The following LPAR1 variants were observed in gnomAD, a reference collection of about 807,000 sequenced individuals.
The protein encoded by LPAR1 is LPA receptor 1.
A neutral mutation model predicts 23.8 loss-of-function variants in LPAR1; 5 were observed. That is an observed-to-expected ratio of 0.21 (90% CI 0.11 to 0.44). LPAR1 has a LOEUF of 0.44. LPAR1 is among the 20% of genes least tolerant of loss of function. LPAR1 has a pLI of 0.99. For missense variants in LPAR1, 311 were observed against 482.8 expected (o/e 0.64, Z 3.33); for synonymous variants, 160 against 164.7 (o/e 0.97, Z 0.22).
intron 2 of LPAR1, among the ~76,000 whole-genome samples, chr9:111,015,280 T>C (rs1450872202): frequency 6.6e-6 from 1 of 152,168 alleles, no homozygotes; most frequent in African/African-American, 2.4e-5. Context: ...CTACTTCGTC[T>C]CATTCAACGG....
intron 2 of LPAR1, among the ~76,000 whole-genome samples, chr9:111,024,782 T>C (rs546421590): frequency 2.7e-4 from 41 of 152,048 alleles, no homozygotes; most frequent in African/African-American, 8.7e-4. Flanking sequence ...CTCCCACTTA[T>C]GAGTGAGAAC....
At chr9:110,929,109 C>A (rs2135557414) in intron 5 of LPAR1, among the ~76,000 whole-genome samples, 2 of 152,298 alleles carry the variant, frequency 1.3e-5, no homozygotes, top group South Asian at 4.1e-4. Context: ...GATTAAATCC[C>A]ATTTCTTCAA....
intron 2 of LPAR1, among the ~76,000 whole-genome samples, chr9:111,011,523 G>A (rs1226388015): frequency 6.6e-6 from 1 of 152,114 alleles, no homozygotes; most frequent in Non-Finnish European, 1.5e-5. Flanking sequence ...ACTGAATCCC[G>A]TTCTTTAAAC....
chr9:110,980,121 C>T (rs2096638279), intron 2 of LPAR1, among the ~76,000 whole-genome samples: 1 of 152,008 alleles, frequency 6.6e-6, no homozygotes, highest in Admixed American at 6.6e-5. Flanking sequence ...AAAATCATGA[C>T]CTAACTATAC....
chr9:110,913,565 TA>T (rs1280416346), intron 5 of LPAR1, among the ~76,000 whole-genome samples: 46 of 152,128 alleles, frequency 3.0e-4, no homozygotes, highest in Non-Finnish European at 5.6e-4. Context: ...TATATATATA[TA>T]TATCCATTTT....
chr9:111,002,338 T>C (rs1346385076), intron 2 of LPAR1, among the ~76,000 whole-genome samples: 1 of 152,198 alleles, frequency 6.6e-6, no homozygotes, highest in Admixed American at 6.5e-5. Flanking sequence ...ATACTTTTCT[T>C]GTAAATTTCC....
intron 2 of LPAR1, among the ~76,000 whole-genome samples, chr9:110,998,598 G>C (rs114266114): frequency 1.3e-5 from 2 of 152,128 alleles, no homozygotes; most frequent in Non-Finnish European, 2.9e-5. Context: ...CCCGGCAAGC[G>C]TCTACAACAA....
At chr9:110,902,300 C>T (rs141459775) in intron 5 of LPAR1, among the ~76,000 whole-genome samples, 3 of 152,132 alleles carry the variant, frequency 2.0e-5, no homozygotes, top group Non-Finnish European at 4.4e-5. Flanking sequence ...CAAATCTCAT[C>T]TTGAATTGTA....
intron 2 of LPAR1, among the ~76,000 whole-genome samples, chr9:111,017,937 T>G (rs1271161502): frequency 6.6e-6 from 1 of 152,066 alleles, no homozygotes; most frequent in African/African-American, 2.4e-5. Flanking sequence ...GAGAATTGCT[T>G]GAACCCAGGA....
At chr9:110,949,142 C>T (rs550175857) in intron 4 of LPAR1, among the ~76,000 whole-genome samples, 1 of 152,198 alleles carries the variant, frequency 6.6e-6, no homozygotes, top group African/African-American at 2.4e-5. Flanking sequence ...TATCCCCATG[C>T]TCCTCCCACT....
intron 5 of LPAR1, among the ~76,000 whole-genome samples, chr9:110,878,932 G>A (rs1164300934): frequency 6.6e-6 from 1 of 152,192 alleles, no homozygotes; most frequent in Non-Finnish European, 1.5e-5. Flanking sequence ...GGAATAGAGA[G>A]ACAACATAGG....
intron 5 of LPAR1, among the ~76,000 whole-genome samples, chr9:110,913,635 T>C (rs2092726894): frequency 6.6e-6 from 1 of 152,088 alleles, no homozygotes; most frequent in Non-Finnish European, 1.5e-5. Context: ...ATAAGCCTAA[T>C]TAAGTATGCC....
At chr9:111,030,177 A>T (rs923842025) in intron 2 of LPAR1, among the ~76,000 whole-genome samples, 4 of 152,206 alleles carry the variant, frequency 2.6e-5, no homozygotes, top group African/African-American at 9.6e-5. Flanking sequence ...GATTGTGCTA[A>T]ATCTGGAAAA....
At chr9:110,933,443 A>C (rs936799309) in intron 5 of LPAR1, among the ~76,000 whole-genome samples, 10 of 152,184 alleles carry the variant, frequency 6.6e-5, no homozygotes, top group Non-Finnish European at 8.8e-5. Context: ...TACATAAATC[A>C]GTTCATCTAA....
chr9:110,881,272 G>T (rs1167404991), intron 5 of LPAR1, among the ~76,000 whole-genome samples: 1 of 152,048 alleles, frequency 6.6e-6, no homozygotes, highest in African/African-American at 2.4e-5. Context: ...TTCATTTATT[G>T]TATGATGTGC....
intron 2 of LPAR1, among the ~76,000 whole-genome samples, chr9:110,976,841 C>A (rs2096564855): frequency 6.6e-6 from 1 of 152,148 alleles, no homozygotes; most frequent in Non-Finnish European, 1.5e-5. Flanking sequence ...TTTATTGGAT[C>A]ATTCATCCAT....
At chr9:110,940,824 A>C (rs1441635042) in intron 5 of LPAR1, among the ~76,000 whole-genome samples, 1 of 152,228 alleles carries the variant, frequency 6.6e-6, no homozygotes, top group East Asian at 1.9e-4. Context: ...CTTGCTCTTC[A>C]CCTTGAAATA....
chr9:110,937,462 G>T (rs2135986144), intron 5 of LPAR1, among the ~76,000 whole-genome samples: 1 of 152,264 alleles, frequency 6.6e-6, no homozygotes, highest in Admixed American at 6.5e-5. Flanking sequence ...GTGTGGCTGT[G>T]GGAGAGTTAC....
intron 5 of LPAR1, among the ~76,000 whole-genome samples, chr9:110,907,916 A>AACACACACACACACAC (rs35043548): frequency 2.9e-5 from 4 of 139,714 alleles, no homozygotes; most frequent in African/African-American, 1.1e-4. Context: ...CCTTTGACAA[A>AACACACACACACACAC]ACACACACAC....
Sources: gnomAD v4.1 joint callset for allele counts (sites outside exome capture counted in the v4.1 genomes callset) on GRCh38, gnomAD v4.1.1 for gene constraint, MANE v1.5 for transcripts, NCBI Gene and HGNC (gene_info 2026-07-23, HGNC 2026-07-21) for gene names.